The following CAST variants were observed in gnomAD, a reference collection of about 807,000 sequenced individuals.
The protein encoded by CAST is calpastatin.
In CAST, 76 loss-of-function variants were observed where a neutral mutation model predicts 119.6. That is an observed-to-expected ratio of 0.64 (90% confidence interval 0.53 to 0.77). The LOEUF is 0.77. CAST is among the 30% of genes least tolerant of loss of function. The probability of loss-of-function intolerance (pLI) is 0.00; values close to 1 mark genes in which losing one functional copy is unlikely to be tolerated. For synonymous variants in CAST, 319 were observed against 331.6 expected (o/e 0.96, Z 0.41); for missense variants, 953 against 946.5 (o/e 1.01, Z -0.09).
intron 11 of CAST, 65 bp from the exon 12 acceptor site, chr5:96,739,973 A>T: frequency 1.3e-6 from 1 of 744,450 alleles, no homozygotes; most frequent in East Asian, 2.7e-5. Context: ...TAGTTTCAGA[A>T]TATGCATATA....
At chr5:96,364,937 T>C in the CAST span, among the ~76,000 whole-genome samples, 9 of 152,270 alleles carry the variant, frequency 5.9e-5, no homozygotes, top group African/African-American at 2.2e-4. Flanking sequence ...TTTAGATCTT[T>C]CCTGCTTTCT....
chr5:96,684,198 G>T (rs937529350), intron 2 of CAST, among the ~76,000 whole-genome samples: 2 of 152,222 alleles, frequency 1.3e-5, no homozygotes, highest in Non-Finnish European at 2.9e-5. Context: ...TTACATAAGA[G>T]TCAATGTGAA....
the CAST span, among the ~76,000 whole-genome samples, chr5:96,169,871 G>A: frequency 7.5e-3 from 1,139 of 152,240 alleles, 31 homozygotes; most frequent in East Asian, 0.078. Flanking sequence ...TAATAAGGGA[G>A]CTGGGCAGGT....
chr5:96,507,361 T>C, the CAST span, among the ~76,000 whole-genome samples: 1 of 152,214 alleles, frequency 6.6e-6, no homozygotes, highest in Non-Finnish European at 1.5e-5. Context: ...TTTGTAACCA[T>C]TTTTTCTTTG....
the CAST span, among the ~76,000 whole-genome samples, chr5:96,043,314 C>G: frequency 6.6e-6 from 1 of 152,112 alleles, no homozygotes; most frequent in Non-Finnish European, 1.5e-5. Context: ...AAATTAACCT[C>G]ATAGTCAATA....
At chr5:96,606,170 C>A (rs370062937) in intron 1 of CAST, among the ~76,000 whole-genome samples, 2,381 of 146,336 alleles carry the variant, frequency 0.016, 52 homozygotes, top group African/African-American at 0.048. Flanking sequence ...ACAACAACAA[C>A]AAAAAAAAAA....
the CAST span, among the ~76,000 whole-genome samples, chr5:96,369,195 A>G: frequency 5.3e-5 from 8 of 151,432 alleles, no homozygotes; most frequent in African/African-American, 1.9e-4. Context: ...ATTTTCTTTT[A>G]AATAAATTTT....
intron 25 of CAST, among the ~76,000 whole-genome samples, chr5:96,764,424 C>T (rs1769088018): frequency 6.6e-6 from 1 of 152,078 alleles, no homozygotes; most frequent in Non-Finnish European, 1.5e-5. Flanking sequence ...TATTGTTGTC[C>T]ATAATTTTTT....
At chr5:96,583,234 A>C (rs1394288594) in intron 1 of CAST, among the ~76,000 whole-genome samples, 3 of 133,488 alleles carry the variant, frequency 2.2e-5, no homozygotes, top group African/African-American at 8.4e-5. Flanking sequence ...TTTTTACTGT[A>C]TTTTTTTGGC....
At chr5:96,427,994 A>G in the CAST span, among the ~76,000 whole-genome samples, 1 of 152,196 alleles carries the variant, frequency 6.6e-6, no homozygotes, top group African/African-American at 2.4e-5. Context: ...TTGACAAAAA[A>G]GAGCTAGCAG....
the CAST span, among the ~76,000 whole-genome samples, chr5:96,106,302 T>C: frequency 6.6e-6 from 1 of 152,210 alleles, no homozygotes; most frequent in East Asian, 1.9e-4. Context: ...CTAGTTCTTT[T>C]AATCGTGATG....
intron 20 of CAST, among the ~76,000 whole-genome samples, chr5:96,751,490 T>G (rs1239594591): frequency 6.6e-6 from 1 of 152,090 alleles, no homozygotes; most frequent in African/African-American, 2.4e-5. Flanking sequence ...AGAGCCTCAG[T>G]TGAGATGAAA....
the CAST span, chr5:96,432,921 C>G: frequency 2.5e-6 from 4 of 1,614,036 alleles, no homozygotes; most frequent in Non-Finnish European, 3.4e-6. Flanking sequence ...TTCCGGGCCC[C>G]CGGGGATCTC....
At chr5:96,221,522 A>T in the CAST span, among the ~76,000 whole-genome samples, 1 of 152,142 alleles carries the variant, frequency 6.6e-6, no homozygotes, top group African/African-American at 2.4e-5. Context: ...GCTGACAAAA[A>T]ATAAAATATC....
chr5:96,133,305 A>AT, the CAST span, among the ~76,000 whole-genome samples: 74 of 148,798 alleles, frequency 5.0e-4, no homozygotes, highest in East Asian at 0.014. Context: ...AAAAAAAAAA[A>AT]CACACACACA....
the CAST span, among the ~76,000 whole-genome samples, chr5:96,431,253 C>G: frequency 8.9e-4 from 135 of 152,316 alleles, no homozygotes; most frequent in African/African-American, 3.1e-3. Context: ...TATTATGTCT[C>G]ACTGTTTTCC....
chr5:96,668,416 A>G (rs1354264766), intron 1 of CAST, among the ~76,000 whole-genome samples: 1 of 152,204 alleles, frequency 6.6e-6, no homozygotes, highest in African/African-American at 2.4e-5. Flanking sequence ...AAAATACTAA[A>G]TTCTTCTGTT....
chr5:96,104,639 C>T, the CAST span, among the ~76,000 whole-genome samples: 10 of 151,180 alleles, frequency 6.6e-5, no homozygotes, highest in African/African-American at 2.4e-4. Context: ...TTACTGTAGC[C>T]TTGTAGTATA....
At chr5:96,627,130 T>A (rs1747738148) in intron 1 of CAST, among the ~76,000 whole-genome samples, 1 of 152,238 alleles carries the variant, frequency 6.6e-6, no homozygotes. Flanking sequence ...GAGGCAGTAT[T>A]GCAGAATGAG....
Sources: allele counts gnomAD v4.1 joint callset (sites outside exome capture counted in the v4.1 genomes callset), GRCh38; gene constraint gnomAD v4.1.1; transcripts MANE v1.5; gene names NCBI Gene and HGNC (gene_info 2026-07-23, HGNC 2026-07-21).